SNTA1: variants seen among roughly 807,000 people sequenced by gnomAD.
SNTA1 encodes the protein syntrophin alpha 1, also known as alpha-1-syntrophin.
SNTA1 carries 31 observed loss-of-function variants against 47.1 expected under a neutral mutation model. That is an observed-to-expected ratio of 0.66 (90% CI 0.49 to 0.89). SNTA1 has a LOEUF of 0.89. Ranked by LOEUF, SNTA1 falls within the 40% of genes least tolerant of loss-of-function variation. The pLI, the probability that SNTA1 is intolerant of heterozygous loss-of-function variation, is 0.00. For missense variants in SNTA1, 575 were observed against 693.0 expected (o/e 0.83, Z 1.91); for synonymous variants, 300 against 313.6 (o/e 0.96, Z 0.46).
At chr20:33,428,747 A>T (rs929340016) in intron 2 of SNTA1, among the ~76,000 whole-genome samples, 115 of 152,218 alleles carry the variant, frequency 7.6e-4, no homozygotes, top group Non-Finnish European at 1.5e-3. Flanking sequence ...GCTAATTTTT[A>T]AAAAATTTTT....
chr20:33,412,701 C>T lies in SNTA1; in HGVS notation c.783G>A (p.Ala261=), dbSNP rs780588094. 2.5e-6 allele frequency: 4 copies of T among 1,613,536 alleles called. No homozygotes were observed. The highest frequency in any genetic ancestry group is 1.1e-5 in the South Asian group (1 of 91,042). The change falls in exon 4 of 8, where the codon GCG becomes GCA. Residue 261 remains alanine (A), a synonymous_variant. Transcript: ENST00000217381. ...AKDEASARSW[A]TAIQAQVNTL... ...TATTGACCTGGGCTTGGATGGCAGT[C>T]GCCCACGACCTCGCACTAGCCTCAT...
chr20:33,416,680 C>T (rs1048936242), intron 3 of SNTA1, among the ~76,000 whole-genome samples: 14 of 152,272 alleles, frequency 9.2e-5, no homozygotes, highest in Non-Finnish European at 1.8e-4. Context: ...GTTGCTTACA[C>T]CTATAATCCC....
At chr20:33,420,085 A>G (rs951772095) in intron 2 of SNTA1, among the ~76,000 whole-genome samples, 1 of 151,980 alleles carries the variant, frequency 6.6e-6, no homozygotes, top group Non-Finnish European at 1.5e-5. Context: ...CACCACACCC[A>G]GCTAATTTTT....
At chr20:33,424,709 T>C (rs781634772) in intron 2 of SNTA1, among the ~76,000 whole-genome samples, 1 of 151,558 alleles carries the variant, frequency 6.6e-6, no homozygotes, top group African/African-American at 2.4e-5. Flanking sequence ...AGATGGGGTT[T>C]TGTCTTGTTG....
At chr20:33,433,096 A>AT (rs1431019091) in intron 2 of SNTA1, among the ~76,000 whole-genome samples, 32 of 151,414 alleles carry the variant, frequency 2.1e-4, no homozygotes, top group African/African-American at 7.5e-4. Context: ...CGCCCAGCTA[A>AT]TTTTTATATT....
At position 33,417,746 on chromosome 20, in the gene SNTA1, C is replaced by G. The variant is rs1175003815; in HGVS notation, c.674G>C (p.Arg225Thr). The change falls in exon 3 of 8, where the codon AGG becomes ACG. Residue 225 changes from arginine (R) to threonine (T), a missense_variant. Transcript: ENST00000217381. ...MSLKMAYVSK[R>T]CTPNDPEPRY... ...GGGCTCCGGGTCATTGGGGGTGCAC[C>G]TCTTCGAGACATATGCCATCTTCAA... The G allele has an allele frequency of 1.2e-6, 2 of 1,614,102 alleles. No homozygotes were observed. The highest frequency in any genetic ancestry group is 1.1e-5 in the South Asian group (1 of 91,078).
intron 5 of SNTA1, among the ~76,000 whole-genome samples, chr20:33,411,871 C>T (rs1004781014): frequency 6.6e-6 from 1 of 152,168 alleles, no homozygotes; most frequent in African/African-American, 2.4e-5. Context: ...AAAACTTCTA[C>T]TCATCCATCA....
At chr20:33,416,801 C>T (rs1989886545) in intron 3 of SNTA1, among the ~76,000 whole-genome samples, 1 of 151,800 alleles carries the variant, frequency 6.6e-6, no homozygotes, top group African/African-American at 2.4e-5. Context: ...ATTAGCCAGG[C>T]ATGGTGGCAG....
chr20:33,441,189 G>A (rs996196409), intron 1 of SNTA1, among the ~76,000 whole-genome samples: 37 of 152,156 alleles, frequency 2.4e-4, no homozygotes, highest in Non-Finnish European at 1.9e-4. Context: ...CATCACATAG[G>A]TATGTTCAGT....
At chr20:33,434,923 G>A (rs1168458418) in intron 2 of SNTA1, among the ~76,000 whole-genome samples, 3 of 151,266 alleles carry the variant, frequency 2.0e-5, no homozygotes, top group African/African-American at 7.3e-5. Context: ...AGAAGGCAAG[G>A]GTCTTACCCA....
Position 33,433,112 on chromosome 20 carries a change from T to C in SNTA1, c.496+5729A>G, listed in dbSNP as rs145662769. Among the ~76,000 whole-genome samples, 881 of 151,552 alleles carry C rather than the reference T, an allele frequency of 5.8e-3. 12 individuals are homozygous for C. Among genetic ancestry groups the C allele is most frequent in the African/African-American group, 0.02 (836 of 41,338 alleles). ...GCCCAGCTAATTTTTATATTTTTCGTAGAGATGGAGTTTCACCATTTTGGC... is the reference window on the plus strand; with the variant it reads ...GCCCAGCTAATTTTTATATTTTTCGCAGAGATGGAGTTTCACCATTTTGGC... On this transcript the variant is annotated intron_variant, in intron 2 of 7. Transcript: ENST00000217381.
rs1356107978 is a variant in SNTA1 at position 33,443,486 on chromosome 20, G to C, written c.135C>G (p.Ala45=). 2 of 1,378,008 alleles carry C rather than the reference G, an allele frequency of 1.5e-6. No individual in the cohort carries two copies. Among genetic ancestry groups the C allele is most frequent in the Admixed American group, 5.2e-5 (2 of 38,212 alleles). The allele number at this position is 1,378,008 out of a possible 1,614,324, so 85.4% of individuals were successfully genotyped here. ...CGGGCTCGGGACCAGGGTCGCCGTC[G>C]GCGGGGCTCACGGTCAGCACGTCCT... The part of the protein sequence containing the change: ...LAEDVLTVSP[A]DGDPGPEPGA... Residue 45 remains alanine, a synonymous_variant, in exon 1 of 8, where the codon GCC becomes GCG. Transcript: ENST00000217381.
intron 2 of SNTA1, among the ~76,000 whole-genome samples, chr20:33,424,110 T>G (rs1990102883): frequency 6.6e-6 from 1 of 150,842 alleles, no homozygotes; most frequent in Admixed American, 6.6e-5. Flanking sequence ...AGGTCGGGAG[T>G]TGGAGACCAG....
At chr20:33,414,225 C>T (rs549958708) in intron 3 of SNTA1, among the ~76,000 whole-genome samples, 6 of 66,046 alleles carry the variant, frequency 9.1e-5, no homozygotes, top group Admixed American at 8.4e-4. Context: ...GCAACAAAAG[C>T]GAAACTCCGT....
At chr20:33,440,450 C>T (rs1990551546) in intron 1 of SNTA1, among the ~76,000 whole-genome samples, 1 of 151,432 alleles carries the variant, frequency 6.6e-6, no homozygotes, top group Admixed American at 6.6e-5. Context: ...AGCGAAACTC[C>T]ATCTCAAAAA....
chr20:33,442,787 T>G (rs1990609305), intron 1 of SNTA1, among the ~76,000 whole-genome samples: 1 of 152,126 alleles, frequency 6.6e-6, no homozygotes, highest in South Asian at 2.1e-4. Flanking sequence ...GCAGCCTTCC[T>G]GGGTCCTTAG....
chr20:33,424,019 G>T (rs1037814032), intron 2 of SNTA1, among the ~76,000 whole-genome samples: 2 of 150,844 alleles, frequency 1.3e-5, no homozygotes, highest in Non-Finnish European at 3.0e-5. Context: ...TCACCATCAA[G>T]AATAGTACCT....
chr20:33,414,510 C>T (rs1246740306), intron 3 of SNTA1, among the ~76,000 whole-genome samples: 1 of 152,056 alleles, frequency 6.6e-6, no homozygotes, highest in East Asian at 1.9e-4. Flanking sequence ...ACCAGAATCA[C>T]TTGAACCTGG....
At chr20:33,428,129 G>A (rs1035487016) in intron 2 of SNTA1, among the ~76,000 whole-genome samples, 5 of 152,042 alleles carry the variant, frequency 3.3e-5, no homozygotes, top group Non-Finnish European at 7.4e-5. Context: ...ATGAGGGGCC[G>A]GGCACAGTGG....
Sources: gnomAD v4.1 joint callset for allele counts (sites outside exome capture counted in the v4.1 genomes callset) on GRCh38, gnomAD v4.1.1 for gene constraint, MANE v1.5 for transcripts, NCBI Gene and HGNC (gene_info 2026-07-23, HGNC 2026-07-21) for gene names.